The following MRRF variants were observed in gnomAD, a reference collection of about 807,000 sequenced individuals.
MRRF encodes the protein mitochondrial ribosome recycling factor.
In MRRF, 18 loss-of-function variants were observed where a neutral mutation model predicts 25.1. The observed-to-expected ratio is 0.72, with a 90% CI of 0.50 to 1.06. The LOEUF (loss-of-function observed/expected upper bound fraction) is 1.06, where lower values mean the gene tolerates loss of function less well. Among genes scored for constraint, MRRF ranks in the 50% least tolerant of loss-of-function variants. The pLI is 0.00. For missense variants in MRRF, 323 were observed against 319.3 expected, an observed-to-expected ratio of 1.01 and a Z score of -0.09; for synonymous variants, 113 against 112.1, an observed-to-expected ratio of 1.01 and a Z score of -0.05.
chr9:122,311,192 G>C (rs1835183204), intron 5 of MRRF, among the ~76,000 whole-genome samples: 1 of 152,122 alleles, frequency 6.6e-6, no homozygotes, highest in African/African-American at 2.4e-5. Context: ...AACCTAGTCT[G>C]TCTGACTTCA....
intron 4 of MRRF, among the ~76,000 whole-genome samples, chr9:122,287,704 C>T (rs1833498970): frequency 6.6e-6 from 1 of 152,164 alleles, no homozygotes; most frequent in South Asian, 2.1e-4. Context: ...CTTCATTTTT[C>T]AACTCAGACA....
At chr9:122,265,833 T>C (rs1185090319) in intron 1 of MRRF, 2 of 1,085,364 alleles carry the variant, frequency 1.8e-6, no homozygotes, top group Non-Finnish European at 2.5e-6. Flanking sequence ...GCCCTTTCTC[T>C]ACCTGTTAAA....
intron 5 of MRRF, among the ~76,000 whole-genome samples, chr9:122,300,224 A>G (rs529281740): frequency 6.6e-6 from 1 of 152,312 alleles, no homozygotes; most frequent in East Asian, 1.9e-4. Context: ...GGAGAAGCAC[A>G]GTGGATGTGG....
intron 6 of MRRF, among the ~76,000 whole-genome samples, chr9:122,318,494 T>C (rs913168437): frequency 2.0e-5 from 3 of 152,224 alleles, no homozygotes; most frequent in African/African-American, 7.2e-5. Flanking sequence ...GAAAGGCTCC[T>C]GGCAGACTGG....
At chr9:122,285,811 G>A (rs941362805) in intron 4 of MRRF, 2 of 1,280,886 alleles carry the variant, frequency 1.6e-6, no homozygotes, top group Non-Finnish European at 2.0e-6. Flanking sequence ...TACTTTAATG[G>A]GCCAAATGTG....
intron 4 of MRRF, among the ~76,000 whole-genome samples, chr9:122,289,203 TTAAGTA>T (rs1833596942): frequency 6.6e-6 from 1 of 152,234 alleles, no homozygotes; most frequent in African/African-American, 2.4e-5. Context: ...ACAGAAAAGT[TTAAGTA>T]TAAAATAAGA....
chr9:122,316,158 T>C (rs1835502858), intron 6 of MRRF, among the ~76,000 whole-genome samples: 2 of 152,186 alleles, frequency 1.3e-5, no homozygotes, highest in African/African-American at 4.8e-5. Flanking sequence ...ATCACAGATA[T>C]CTTTCTAAAC....
intron 3 of MRRF, among the ~76,000 whole-genome samples, chr9:122,281,134 A>G (rs1378353991): frequency 1.3e-5 from 2 of 152,190 alleles, no homozygotes; most frequent in African/African-American, 4.8e-5. Context: ...GAGCTTGACC[A>G]GGAAGATTCC....
At chr9:122,319,310 C>T (rs1835732037) in intron 6 of MRRF, among the ~76,000 whole-genome samples, 1 of 151,960 alleles carries the variant, frequency 6.6e-6, no homozygotes, top group Non-Finnish European at 1.5e-5. Flanking sequence ...GCCACCATGC[C>T]CGGCTAATTT....
chr9:122,291,731 T>G lies in MRRF; in HGVS notation c.460-18T>G, dbSNP rs773877186. The stretch of plus-strand genomic sequence containing the variant: ...TAATTATTTACTAATTCTGTTTACC[T>G]TTTGATCTGGTTTTCAGTGTACAGC... On this transcript the variant is annotated intron_variant, in intron 4 of 6. Coordinates refer to ENST00000344641, the MANE Select transcript of MRRF (RefSeq NM_138777.5). 2 of 1,574,084 alleles carry G rather than the reference T, an allele frequency of 1.3e-6. No individual in the cohort carries two copies. Among genetic ancestry groups the G allele is most frequent in the Non-Finnish European group, 8.7e-7 (1 of 1,143,500 alleles).
At chr9:122,268,892 G>A (rs1292635951) in intron 1 of MRRF, among the ~76,000 whole-genome samples, 1 of 152,146 alleles carries the variant, frequency 6.6e-6, no homozygotes, top group Non-Finnish European at 1.5e-5. Context: ...TAGGCCGGGT[G>A]CGGTGGCTCA....
In MRRF at chr9:122,325,147, T is replaced by C. The variant is rs1181199413; in HGVS notation, c.*2530T>C. On this transcript the variant is annotated 3_prime_UTR_variant, in exon 7 of 7. Transcript: ENST00000344641. ...TTAACAGCCAAATCCTCTGTAGTCTTTAAATAAACAAAAACTTATTTGGTG... is the reference window on the plus strand; with the variant it reads ...TTAACAGCCAAATCCTCTGTAGTCTCTAAATAAACAAAAACTTATTTGGTG... The C allele has an allele frequency of 3.9e-5, 6 of 152,218 alleles. No homozygotes were observed. The highest frequency in any genetic ancestry group is 9.6e-5 in the African/African-American group (4 of 41,458). 9.4% of individuals were successfully genotyped at this position (152,218 alleles called of 1,614,324 possible). A position where few individuals can be genotyped will look rare whatever the true frequency, so the allele number is the denominator to read the frequency against.
At chr9:122,296,836 T>C (rs1040203946) in intron 5 of MRRF, among the ~76,000 whole-genome samples, 1 of 152,178 alleles carries the variant, frequency 6.6e-6, no homozygotes, top group Non-Finnish European at 1.5e-5. Context: ...AGTGGTGCTT[T>C]GGTTTGAGAT....
chr9:122,317,088 A>ATATATATATATAT (rs1588087015), intron 6 of MRRF, among the ~76,000 whole-genome samples: 1 of 150,600 alleles, frequency 6.6e-6, no homozygotes, highest in African/African-American at 2.4e-5. Flanking sequence ...ATATATATAT[A>ATATATATATATAT]AATCTTTGTT....
chr9:122,283,592 C>T (rs1196023963), intron 3 of MRRF, among the ~76,000 whole-genome samples: 1 of 152,208 alleles, frequency 6.6e-6, no homozygotes, highest in Non-Finnish European at 1.5e-5. Context: ...CTGTCAGCAA[C>T]CTTCTGTCTT....
At chr9:122,265,118 G>A (rs545758844) in intron 1 of MRRF, among the ~76,000 whole-genome samples, 180 bp downstream of exon 1, 12 of 152,222 alleles carry the variant, frequency 7.9e-5, no homozygotes, top group African/African-American at 2.4e-4. Flanking sequence ...CATGGGGTGG[G>A]GGCGGGGCTC....
intron 3 of MRRF, among the ~76,000 whole-genome samples, chr9:122,284,838 T>C (rs926404309): frequency 6.6e-5 from 10 of 152,174 alleles, no homozygotes; most frequent in Non-Finnish European, 1.2e-4. Context: ...TAGGGTGGAG[T>C]GCAGTGGCCA....
chr9:122,305,711 C>G (rs1302080445), intron 5 of MRRF, among the ~76,000 whole-genome samples: 1 of 152,202 alleles, frequency 6.6e-6, no homozygotes, highest in Non-Finnish European at 1.5e-5. Flanking sequence ...ATCTTCTTCT[C>G]TTGCTTTATT....
intron 5 of MRRF, among the ~76,000 whole-genome samples, chr9:122,294,566 T>C (rs1371710863): frequency 6.6e-6 from 1 of 152,230 alleles, no homozygotes; most frequent in Non-Finnish European, 1.5e-5. Context: ...GGCCCCTTAC[T>C]GAATTATAAC....
Sources: gnomAD v4.1 joint callset for allele counts (sites outside exome capture counted in the v4.1 genomes callset) on GRCh38, gnomAD v4.1.1 for gene constraint, MANE v1.5 for transcripts, NCBI Gene and HGNC (gene_info 2026-07-23, HGNC 2026-07-21) for gene names.